The following EPB41L3 variants were observed in gnomAD, a reference collection of about 807,000 sequenced individuals.
EPB41L3 encodes the protein band 4.1-like protein 3.
EPB41L3 carries 57 observed loss-of-function variants against 127.1 expected under a neutral mutation model. That is an observed-to-expected ratio of 0.45 (90% confidence interval 0.36 to 0.56). The LOEUF is 0.56. EPB41L3 is among the 20% of genes least tolerant of loss of function. The probability of loss-of-function intolerance (pLI) is 0.00; values close to 1 mark genes in which losing one functional copy is unlikely to be tolerated. For synonymous variants in EPB41L3, 572 were observed against 549.5 expected, an observed-to-expected ratio of 1.04 and a Z score of -0.57; for missense variants, 1,273 against 1,372.2, an observed-to-expected ratio of 0.93 and a Z score of 1.14.
intron 3 of EPB41L3, among the ~76,000 whole-genome samples, chr18:5,453,960 C>T (rs2082652143): frequency 6.6e-6 from 1 of 152,134 alleles, no homozygotes; most frequent in South Asian, 2.1e-4. Flanking sequence ...TCATTTTCCT[C>T]ACATTTAAAG....
intron 1 of EPB41L3, among the ~76,000 whole-genome samples, chr18:5,519,793 C>T (rs564576099): frequency 3.9e-4 from 59 of 152,306 alleles, no homozygotes; most frequent in Admixed American, 7.8e-4. Flanking sequence ...CCTACATTTG[C>T]GGATTTAGCT....
At chr18:5,470,711 C>T (rs573275383) in intron 3 of EPB41L3, among the ~76,000 whole-genome samples, 1 of 152,324 alleles carries the variant, frequency 6.6e-6, no homozygotes, top group South Asian at 2.1e-4. Flanking sequence ...AGGAAGTAGG[C>T]TCAGACAAGC....
At chr18:5,437,794 C>T (rs1436293884) in intron 6 of EPB41L3, among the ~76,000 whole-genome samples, 3 of 152,144 alleles carry the variant, frequency 2.0e-5, no homozygotes, top group Admixed American at 6.5e-5. Flanking sequence ...CTCAGTTCTG[C>T]AAGTTTTCCC....
At chr18:5,475,224 C>A (rs952898194) in intron 3 of EPB41L3, among the ~76,000 whole-genome samples, 3 of 152,118 alleles carry the variant, frequency 2.0e-5, no homozygotes, top group Admixed American at 2.0e-4. Flanking sequence ...TAAACAGGGA[C>A]CATTTATTAA....
At chr18:5,538,887 A>C (rs2093644744) in intron 1 of EPB41L3, among the ~76,000 whole-genome samples, 2 of 152,166 alleles carry the variant, frequency 1.3e-5, no homozygotes, top group Non-Finnish European at 1.5e-5. Context: ...CAGAGGTAAC[A>C]ACCTTGTTAT....
chr18:5,563,538 G>A (rs777313621), intron 3 of EPB41L3, among the ~76,000 whole-genome samples: 42 of 152,148 alleles, frequency 2.8e-4, no homozygotes, highest in African/African-American at 7.7e-4. Flanking sequence ...ATGGATTGAG[G>A]AATATGCAGG....
intron 1 of EPB41L3, among the ~76,000 whole-genome samples, chr18:5,530,563 C>T (rs1179622351): frequency 6.6e-6 from 1 of 152,084 alleles, no homozygotes; most frequent in Non-Finnish European, 1.5e-5. Flanking sequence ...CCACTGCCCT[C>T]GGAGCCCATC....
At chr18:5,614,937 T>C (rs2094775395) in intron 1 of EPB41L3, among the ~76,000 whole-genome samples, 1 of 152,156 alleles carries the variant, frequency 6.6e-6, no homozygotes, top group African/African-American at 2.4e-5. Context: ...GTTATGTGTA[T>C]GAAGAGAGTA....
Position 5,592,365 on chromosome 18 carries a change from C to T in EPB41L3, c.-306+19975G>A, listed in dbSNP as rs527325773. ...TACTTTTAGGAGAGACAGGGTTTCA[C>T]CATGTTGGTCAGGCTGGTTTCGAAC... On this transcript the variant is annotated intron_variant, in intron 3 of 21. Transcript: ENST00000545076. Among the ~76,000 whole-genome samples, 16 of 152,270 alleles carry T rather than the reference C, an allele frequency of 1.1e-4. No individual in the cohort carries two copies. In the East Asian group the frequency reaches 2.9e-3, roughly 28 times the overall value.
At chr18:5,473,170 C>T (rs1279008523) in intron 3 of EPB41L3, among the ~76,000 whole-genome samples, 4 of 152,088 alleles carry the variant, frequency 2.6e-5, no homozygotes, top group Non-Finnish European at 5.9e-5. Context: ...TCCAGTGTGG[C>T]CCATTCGCTG....
chr18:5,566,705 T>G (rs187202278), intron 3 of EPB41L3, among the ~76,000 whole-genome samples: 8 of 151,248 alleles, frequency 5.3e-5, no homozygotes, highest in East Asian at 2.0e-4. Flanking sequence ...TACCTGACCT[T>G]TCTTTTCTTT....
intron 3 of EPB41L3, among the ~76,000 whole-genome samples, chr18:5,562,525 T>G (rs1173538239): frequency 6.6e-6 from 1 of 152,218 alleles, no homozygotes; most frequent in Non-Finnish European, 1.5e-5. Context: ...TCTGTAAGTT[T>G]TTTGATATTT....
intron 1 of EPB41L3, among the ~76,000 whole-genome samples, chr18:5,490,819 C>A (rs969014738): frequency 2.6e-5 from 4 of 152,164 alleles, no homozygotes; most frequent in African/African-American, 9.7e-5. Flanking sequence ...TCTGATCAAA[C>A]TCCATCTTTT....
At chr18:5,584,133 T>C (rs1333746277) in intron 3 of EPB41L3, among the ~76,000 whole-genome samples, 3 of 152,188 alleles carry the variant, frequency 2.0e-5, no homozygotes. Context: ...TTCTCCAACA[T>C]GTTTCTGACC....
intron 3 of EPB41L3, among the ~76,000 whole-genome samples, chr18:5,587,019 C>T (rs375077516): frequency 1.5e-4 from 23 of 152,260 alleles, no homozygotes; most frequent in East Asian, 5.8e-4. Context: ...GAATAAATTA[C>T]ATATTTTAGT....
chr18:5,601,596 C>T (rs935671983), intron 3 of EPB41L3, among the ~76,000 whole-genome samples: 1 of 152,248 alleles, frequency 6.6e-6, no homozygotes, highest in Non-Finnish European at 1.5e-5. Context: ...GCAGAGTAAC[C>T]TTTGAACAAG....
At chr18:5,505,708 C>T in intron 1 of EPB41L3, among the ~76,000 whole-genome samples, 1 of 144,050 alleles carries the variant, frequency 6.9e-6, no homozygotes, top group African/African-American at 2.6e-5. Flanking sequence ...CCCTTCCCTC[C>T]ACACCTTCAC....
chr18:5,394,321 T>C (rs2072952825), intron 22 of EPB41L3: 1 of 178,684 alleles, frequency 5.6e-6, no homozygotes. Flanking sequence ...AAAACTGCCT[T>C]TGTTCCAATT....
chr18:5,471,896 G>A (rs753060648), intron 3 of EPB41L3, among the ~76,000 whole-genome samples: 7 of 152,118 alleles, frequency 4.6e-5, no homozygotes, highest in Non-Finnish European at 7.3e-5. Context: ...CTGGGAGTTA[G>A]CAAAAAGAAT....
Sources: allele counts gnomAD v4.1 joint callset (sites outside exome capture counted in the v4.1 genomes callset), GRCh38; gene constraint gnomAD v4.1.1; transcripts MANE v1.5; gene names NCBI Gene and HGNC (gene_info 2026-07-23, HGNC 2026-07-21).